The following RAB11FIP4 variants were observed in gnomAD, a reference collection of about 807,000 sequenced individuals.
RAB11FIP4 encodes RAB11 family interacting protein 4.
Under a neutral mutation model 74.3 loss-of-function variants are expected in RAB11FIP4, and 23 were observed. The observed-to-expected ratio is 0.31, with a 90% confidence interval of 0.22 to 0.44. RAB11FIP4 has a LOEUF of 0.44. Among genes scored for constraint, RAB11FIP4 ranks in the 20% least tolerant of loss-of-function variants. RAB11FIP4 has a pLI of 1.00. For synonymous variants in RAB11FIP4, 360 were observed against 359.9 expected, an observed-to-expected ratio of 1.00 and a Z score of 0.00; for missense variants, 630 against 863.9, an observed-to-expected ratio of 0.73 and a Z score of 3.39.
At chr17:31,458,231 C>T (rs986212521) in intron 3 of RAB11FIP4, among the ~76,000 whole-genome samples, 2 of 152,140 alleles carry the variant, frequency 1.3e-5, no homozygotes, top group Non-Finnish European at 1.5e-5. Context: ...CTCAGGTGTC[C>T]CAGGCCTCTC....
intron 3 of RAB11FIP4, among the ~76,000 whole-genome samples, chr17:31,505,568 TATA>T (rs1264800676): frequency 4.3e-4 from 32 of 74,764 alleles, no homozygotes; most frequent in South Asian, 1.1e-3. Context: ...AATTATAATA[TATA>T]ATAATATATA....
At chr17:31,471,375 GT>G (rs1320707275) in intron 3 of RAB11FIP4, among the ~76,000 whole-genome samples, 2 of 152,004 alleles carry the variant, frequency 1.3e-5, no homozygotes, top group Non-Finnish European at 2.9e-5. Context: ...GGAAATGGGA[GT>G]TTTTTAAGTG....
intron 1 of RAB11FIP4, among the ~76,000 whole-genome samples, chr17:31,392,862 G>A (rs535257969): frequency 1.3e-5 from 2 of 152,318 alleles, no homozygotes; most frequent in Non-Finnish European, 2.9e-5. Context: ...AATGGTCAGG[G>A]GTTTCCCCTG....
At chr17:31,476,045 T>C (rs897981408) in intron 3 of RAB11FIP4, among the ~76,000 whole-genome samples, 3 of 152,140 alleles carry the variant, frequency 2.0e-5, no homozygotes, top group Admixed American at 6.5e-5. Flanking sequence ...GATGAAAATG[T>C]TGTGATCAGA....
intron 3 of RAB11FIP4, among the ~76,000 whole-genome samples, chr17:31,471,328 G>C (rs2071734963): frequency 6.6e-6 from 1 of 151,250 alleles, no homozygotes; most frequent in East Asian, 1.9e-4. Flanking sequence ...GCCTTCTAAA[G>C]TGCTGGGATT....
At chr17:31,491,732 G>A (rs2072012578) in intron 3 of RAB11FIP4, among the ~76,000 whole-genome samples, 1 of 152,294 alleles carries the variant, frequency 6.6e-6, no homozygotes. Flanking sequence ...GAGGAGGAGA[G>A]GGGACTGACA....
rs761271351 is a variant in RAB11FIP4 at position 31,512,862 on chromosome 17, G to A, written c.337-4789G>A. 2.0e-5 allele frequency among the ~76,000 whole-genome samples: 3 copies of A among 152,096 alleles called. No homozygotes were observed. The highest frequency in any genetic ancestry group is 1.9e-4 in the East Asian group (1 of 5,188). On this transcript the variant is annotated intron_variant, in intron 3 of 14. Transcript: ENST00000621161. This position sits in a 1 kb window ranked among gnomAD's most constrained non-coding sequence, Gnocchi z 4.1. The stretch of plus-strand genomic sequence containing the variant: ...TGGACTCCTTTTTCACACAGCAGGC[G>A]GGAATGGGCAGGAAACCGGGGCTCT...
chr17:31,420,627 A>T (rs996216220), intron 1 of RAB11FIP4, among the ~76,000 whole-genome samples: 2 of 152,068 alleles, frequency 1.3e-5, no homozygotes, highest in Admixed American at 1.3e-4. Context: ...TCAAAAAAAA[A>T]ACCAGATTTG....
chr17:31,402,802 T>C (rs1470405528), intron 1 of RAB11FIP4, among the ~76,000 whole-genome samples: 1 of 151,134 alleles, frequency 6.6e-6, no homozygotes, highest in Non-Finnish European at 1.5e-5. Flanking sequence ...TTTTTTTGTA[T>C]TTTTAGTAGA....
At chr17:31,503,188 A>G (rs1338120684) in intron 3 of RAB11FIP4, among the ~76,000 whole-genome samples, 2 of 151,618 alleles carry the variant, frequency 1.3e-5, no homozygotes, top group Admixed American at 1.3e-4. Context: ...ATGTGCCACC[A>G]CGCCTGGCTA....
In RAB11FIP4 at chr17:31,525,024, T is replaced by C; in HGVS notation, c.1134-66T>C. 4 of 1,543,896 alleles carry C rather than the reference T, an allele frequency of 2.6e-6. No individual in the cohort carries two copies. The South Asian group carries it at 4.8e-5, about 18-fold the overall frequency. ...GGGTCTCGGGGCCCAGGGTCCCCCG[T>C]GCCACAGCCTGGGTTGGGGTGAAAT... On this transcript the variant is annotated intron_variant, in intron 9 of 14. Coordinates refer to ENST00000621161, the MANE Select transcript of RAB11FIP4 (RefSeq NM_032932.6).
At chr17:31,489,360 C>T (rs2071962668) in intron 3 of RAB11FIP4, among the ~76,000 whole-genome samples, 2 of 152,146 alleles carry the variant, frequency 1.3e-5, no homozygotes, top group African/African-American at 2.4e-5. Context: ...AAAGGAGACT[C>T]AAAGGGGTCG....
rs543376617 is a variant in RAB11FIP4, at chr17:31,537,314, C to T, written c.*5582C>T. ...ATTCGTCCACAAGGATCAGGCCCCA[C>T]TTACCCTTGGCTCGCTCAGCCTGTA... On this transcript the variant is annotated 3_prime_UTR_variant, in exon 15 of 15. Transcript: ENST00000621161. 18 of 398,272 alleles carry T rather than the reference C, an allele frequency of 4.5e-5. No individual in the cohort carries two copies. Among genetic ancestry groups the T allele is most frequent in the Non-Finnish European group, 6.2e-5 (14 of 226,112 alleles). The allele number at this position is 398,272 out of a possible 1,614,324, so 24.7% of individuals were successfully genotyped here.
chr17:31,461,663 C>T (rs932482992), intron 3 of RAB11FIP4, among the ~76,000 whole-genome samples: 2 of 152,114 alleles, frequency 1.3e-5, no homozygotes, highest in Non-Finnish European at 2.9e-5. Context: ...GTCAGGGGAT[C>T]CACCTGCCTC....
chr17:31,413,533 G>T lies in RAB11FIP4; in HGVS notation c.160-18280G>T, dbSNP rs1012215594. 2.1e-5 allele frequency among the ~76,000 whole-genome samples: 3 copies of T among 139,894 alleles called. No individual in the cohort carries two copies. The South Asian group carries it at 6.6e-4, about 31-fold the overall frequency. The allele number at this position is 139,894 out of a possible 152,430, so 91.8% of individuals were successfully genotyped here. A position where few individuals can be genotyped will look rare whatever the true frequency, so the allele number is the denominator to read the frequency against. ...CAGCTGGTGGTTCCTCAGACCCTTC[G>T]AGCACCTCTACGGCCTGGCCTTGGC... is the stretch of plus-strand genomic sequence containing the variant. On this transcript the variant is annotated intron_variant, in intron 1 of 14. Transcript: ENST00000621161.
At chr17:31,440,958 A>G (rs913559903) in intron 3 of RAB11FIP4, among the ~76,000 whole-genome samples, 3 of 152,178 alleles carry the variant, frequency 2.0e-5, no homozygotes, top group Non-Finnish European at 4.4e-5. Context: ...CCAGGAATGC[A>G]TATATCTTTT....
Position 31,530,397 on chromosome 17 carries a change from A to T in RAB11FIP4, c.1725A>T (p.Ala575=). The T allele has an allele frequency of 3.1e-6, 5 of 1,614,186 alleles. No homozygotes were observed. Among genetic ancestry groups the T allele is most frequent in the Non-Finnish European group, 4.2e-6 (5 of 1,180,020 alleles). Residue 575 remains alanine, a synonymous_variant, in exon 14 of 15, where the codon GCA becomes GCT. Coordinates refer to ENST00000621161, the MANE Select transcript of RAB11FIP4 (RefSeq NM_032932.6). ...TTTTGAGCCTCAGCCTCTACGAAGC[A>T]AAAAACCTCTTTGCTGCCCAGACTA... The part of the protein sequence containing the change: ...GQILSLSLYE[A]KNLFAAQTKA...
At chr17:31,514,391 G>C (rs556981898) in intron 3 of RAB11FIP4, among the ~76,000 whole-genome samples, 2 of 152,232 alleles carry the variant, frequency 1.3e-5, no homozygotes, top group Non-Finnish European at 2.9e-5. Context: ...TGGGCCCTCT[G>C]CCTGCCTCTG....
rs1229772096 is a variant in RAB11FIP4 at position 31,537,373 on chromosome 17, TG to T, written c.*5642del. On this transcript the variant is annotated 3_prime_UTR_variant, in exon 15 of 15. Coordinates refer to ENST00000621161, the MANE Select transcript of RAB11FIP4 (RefSeq NM_032932.6). ...AACTTTGTACAGAATCTTTCATTAT[TG>T]TCTTAAGCATGGGGGGCTAGGACCC... The T allele has an allele frequency of 5.0e-6, 2 of 397,016 alleles. No homozygotes were observed. The highest frequency in any genetic ancestry group is 4.1e-5 in the African/African-American group (2 of 48,634). The allele number at this position is 397,016 out of a possible 1,614,324, so 24.6% of individuals were successfully genotyped here. A position where few individuals can be genotyped will look rare whatever the true frequency, so the allele number is the denominator to read the frequency against.
Sources: gnomAD v4.1 joint callset for allele counts (sites outside exome capture counted in the v4.1 genomes callset) on GRCh38, gnomAD v4.1.1 for gene constraint, Gnocchi (gnomAD v3.1) non-coding constraint, MANE v1.5 for transcripts, NCBI Gene and HGNC (gene_info 2026-07-23, HGNC 2026-07-21) for gene names.